MAN2B1: variants seen among roughly 807,000 people sequenced by gnomAD.
MAN2B1 encodes lysosomal alpha-mannosidase.
In MAN2B1, 99 loss-of-function variants were observed where a neutral mutation model predicts 127.5. The ratio of observed to expected loss-of-function variants is 0.78; its 90% confidence interval spans 0.66 to 0.92. The LOEUF (loss-of-function observed/expected upper bound fraction) is 0.92, where lower values mean the gene tolerates loss of function less well. Among genes scored for constraint, MAN2B1 ranks in the 40% least tolerant of loss-of-function variants. MAN2B1 has a pLI of 0.00. For missense variants in MAN2B1, 1,304 were observed against 1,384.8 expected, an observed-to-expected ratio of 0.94 and a Z score of 0.93; for synonymous variants, 573 against 568.8, an observed-to-expected ratio of 1.01 and a Z score of -0.11.
chr19:12,664,828 G>A lies in MAN2B1; in HGVS notation c.594C>T (p.Phe198=), dbSNP rs371341958. 8.9e-4 allele frequency: 1,436 copies of A among 1,613,750 alleles called. 17 individuals carry two copies. The South Asian group carries it at 0.013, about 14-fold the overall frequency. ...RPRVAWHIDP[F]GHSREQASLF... The stretch of plus-strand genomic sequence containing the variant: ...GCGAGGCCTGCTCCCGAGAGTGGCC[G>A]AAGGGGTCAATGTGCCAGGCCACAC... The change falls in exon 4 of 24, where the codon TTC becomes TTT. Residue 198 remains phenylalanine (F), a synonymous_variant. Transcript: ENST00000456935.
intron 20 of MAN2B1, among the ~76,000 whole-genome samples, chr19:12,648,716 C>T (rs1195932472): frequency 6.6e-6 from 1 of 152,054 alleles, no homozygotes; most frequent in African/African-American, 2.4e-5. Flanking sequence ...AGTCCTTGGC[C>T]GGGAGCGGTG....
At chr19:12,654,707 C>G (rs1271258843) in intron 14 of MAN2B1, among the ~76,000 whole-genome samples, 1 of 152,190 alleles carries the variant, frequency 6.6e-6, no homozygotes, top group East Asian at 1.9e-4. Context: ...CAGGGTCTCA[C>G]TTTGTCACCC....
chr19:12,658,671 C>G (rs1290427483), intron 7 of MAN2B1, 161 bp from the exon 8 acceptor site: 1 of 708,836 alleles, frequency 1.4e-6, no homozygotes, highest in Non-Finnish European at 2.5e-6. Flanking sequence ...TGAATTTTGG[C>G]TGAAGTCAAA....
In MAN2B1 at chr19:12,663,412, G is replaced by C; in HGVS notation, c.814C>G (p.Leu272Val). ...TCCACCAGCGGCTGATCGACACACA[G>C]CACATCCCAGCACAGATTCCTTGGC... ...NPPRNLCWDV[L>V]CVDQPLVEDP... The change falls in exon 6 of 24, where the codon CTG (leucine) becomes GTG (valine). Residue 272 changes from leucine to valine, a missense_variant. Physicochemically the swap from Leu to Val is conservative, Grantham distance 32. Coordinates refer to ENST00000456935, the MANE Select transcript of MAN2B1 (RefSeq NM_000528.4). 1 of 1,614,080 alleles carries C rather than the reference G, an allele frequency of 6.2e-7. No individual in the cohort carries two copies. The highest frequency in any genetic ancestry group is 8.5e-7 in the Non-Finnish European group (1 of 1,179,960).
chr19:12,649,099 G>C, intron 20 of MAN2B1, 37 bp downstream of exon 20: 1 of 1,577,690 alleles, frequency 6.3e-7, no homozygotes, highest in South Asian at 1.1e-5. Flanking sequence ...TCCAGGTTGG[G>C]AGGACCCTGG....
chr19:12,663,420 C>T lies in MAN2B1; in HGVS notation c.806G>A (p.Trp269Ter). ...NGYNPPRNLC[W>*]DVLCVDQPLV... ...CGGCTGATCGACACACAGCACATCC[C>T]AGCACAGATTCCTTGGCGGGTTGTA... is the stretch of plus-strand genomic sequence containing the variant. Residue 269 changes from tryptophan to a stop codon, truncating the protein, a stop_gained, in exon 6 of 24, where the codon TGG (tryptophan) becomes TAG (stop). Transcript: ENST00000456935. LOFTEE classifies it high-confidence loss of function. 1 of 1,614,118 alleles carries T rather than the reference C, an allele frequency of 6.2e-7. No homozygotes were observed. Among genetic ancestry groups the T allele is most frequent in the Non-Finnish European group, 8.5e-7 (1 of 1,179,970 alleles).
chr19:12,649,963 T>C lies in MAN2B1; in HGVS notation c.2217A>G (p.Thr739=). Residue 739 remains threonine (T), a synonymous_variant, in exon 18 of 24, where the codon ACA becomes ACG. Coordinates refer to ENST00000456935, the MANE Select transcript of MAN2B1 (RefSeq NM_000528.4). ...VISRFDTPLE[T]KGRFYTDSNG... ...TGCTGTCTGTGTAGAAGCGTCCCTT[T>C]GTCTCCAGCGGTGTGTCAAAACGGC... 1 of 1,613,920 alleles carries C rather than the reference T, an allele frequency of 6.2e-7. No homozygotes were observed. Among genetic ancestry groups the C allele is most frequent in the Non-Finnish European group, 8.5e-7 (1 of 1,179,964 alleles).
chr19:12,659,929 G>C (rs1337028138), intron 7 of MAN2B1, among the ~76,000 whole-genome samples: 1 of 152,182 alleles, frequency 6.6e-6, no homozygotes, highest in Middle Eastern at 3.2e-3. Context: ...TGGAAGGTGG[G>C]AATGGAGATT....
At chr19:12,663,015 C>T (rs529594547) in intron 6 of MAN2B1, among the ~76,000 whole-genome samples, 1 of 151,394 alleles carries the variant, frequency 6.6e-6, no homozygotes, top group East Asian at 1.9e-4. Context: ...CCTGTAATCC[C>T]GGCACTTTGG....
At chr19:12,658,637 C>A (rs1486059766) in intron 7 of MAN2B1, 127 bp from the exon 8 acceptor site, 1 of 865,394 alleles carries the variant, frequency 1.2e-6, no homozygotes. Flanking sequence ...ATTTGGCGTG[C>A]AAGCCAATGG....
Position 12,647,381 on chromosome 19 carries a change from TTTCTC to T in MAN2B1, c.2821-51_2821-47del. On this transcript the variant is annotated intron_variant, in intron 22 of 23. Coordinates refer to ENST00000456935, the MANE Select transcript of MAN2B1 (RefSeq NM_000528.4). The surrounding 1 kb of genome is among the most constrained non-coding windows in gnomAD (Gnocchi z 4.9). ...CCAGATGAGTTGGGGCAAAGCCAGGTTTCTCTTCTCTCCCTCTCTCTTGCCTCTCT... is the reference window on the plus strand; with the variant it reads ...CCAGATGAGTTGGGGCAAAGCCAGGTTTCTCTCCCTCTCTCTTGCCTCTCT... 6.2e-7 allele frequency: 1 copy of T among 1,612,000 alleles called. No individual in the cohort carries two copies. Among genetic ancestry groups the T allele is most frequent in the Non-Finnish European group, 8.5e-7 (1 of 1,178,142 alleles).
intron 14 of MAN2B1, among the ~76,000 whole-genome samples, chr19:12,653,092 C>G (rs2023879581): frequency 6.6e-6 from 1 of 151,376 alleles, no homozygotes; most frequent in Non-Finnish European, 1.5e-5. Flanking sequence ...CCTTGGCCTC[C>G]CAAAGGGCTG....
At chr19:12,651,169 C>T (rs1043402161) in intron 16 of MAN2B1, among the ~76,000 whole-genome samples, 3 of 152,156 alleles carry the variant, frequency 2.0e-5, no homozygotes, top group African/African-American at 7.2e-5. Flanking sequence ...CTCCTGTTCA[C>T]CATTGCCCCA....
chr19:12,656,819 G>T, intron 12 of MAN2B1, 130 bp downstream of exon 12: 1 of 1,032,564 alleles, frequency 9.7e-7, no homozygotes, highest in Non-Finnish European at 1.5e-6. Context: ...CTCGAGATGC[G>T]TTGTTCTCTC....
At chr19:12,658,368 G>T (rs771479284) in intron 8 of MAN2B1, 24 bp from the exon 9 acceptor site, 3 of 1,614,208 alleles carry the variant, frequency 1.9e-6, no homozygotes, top group South Asian at 2.2e-5. Context: ...GGCATTGAGG[G>T]CAGGGTCATG....
At chr19:12,657,602 A>G (rs1372131697) in intron 10 of MAN2B1, 47 bp from the exon 11 acceptor site, 5 of 1,492,080 alleles carry the variant, frequency 3.4e-6, no homozygotes, top group Non-Finnish European at 4.6e-6. Context: ...GACTCAGCTG[A>G]GACCCCAAGG....
At position 12,657,580 on chromosome 19, in the gene MAN2B1, G is replaced by C. The variant is rs1176341034; in HGVS notation, c.1310-25C>G. The C allele has an allele frequency of 2.0e-6, 3 of 1,536,956 alleles. No homozygotes were observed. In the African/African-American group the frequency reaches 4.1e-5, roughly 21 times the overall value. On this transcript the variant is annotated intron_variant, in intron 10 of 23. Transcript: ENST00000456935. ...TCTGCTCATAGACAATGAGTCCGGT[G>C]AGGTTCTGTGGGACTCAGCTGAGAC...
intron 6 of MAN2B1, among the ~76,000 whole-genome samples, chr19:12,661,835 A>G (rs567759647): frequency 7.3e-5 from 11 of 151,240 alleles, no homozygotes; most frequent in Non-Finnish European, 1.3e-4. Context: ...AAAAAAAAAA[A>G]AAATTAATCT....
intron 1 of MAN2B1, 74 bp from the exon 2 acceptor site, chr19:12,665,879 C>A: frequency 1.7e-6 from 2 of 1,209,510 alleles, no homozygotes; most frequent in South Asian, 1.2e-5. Context: ...AAGTCTTGAT[C>A]TAGAGGTGAG....
Sources: allele counts gnomAD v4.1 joint callset (sites outside exome capture counted in the v4.1 genomes callset), GRCh38; gene constraint gnomAD v4.1.1; non-coding constraint Gnocchi (gnomAD v3.1); transcripts MANE v1.5; gene names NCBI Gene and HGNC (gene_info 2026-07-23, HGNC 2026-07-21).